The following FRMPD1 variants were observed in gnomAD, a reference collection of about 807,000 sequenced individuals.
FRMPD1 encodes FERM and PDZ domain-containing protein 1.
In FRMPD1, 76 loss-of-function variants were observed where a neutral mutation model predicts 117.8. That is an observed-to-expected ratio of 0.65 (90% confidence interval 0.54 to 0.78). FRMPD1 has a LOEUF of 0.78. FRMPD1 is among the 30% of genes least tolerant of loss of function. The probability of loss-of-function intolerance (pLI) is 0.00; values close to 1 mark genes in which losing one functional copy is unlikely to be tolerated. For missense variants in FRMPD1, 1,786 were observed against 1,964.5 expected (o/e 0.91, Z 1.72); for synonymous variants, 783 against 770.4 (o/e 1.02, Z -0.27).
At chr9:37,641,859 T>G in the FRMPD1 span, among the ~76,000 whole-genome samples, 8 of 152,214 alleles carry the variant, frequency 5.3e-5, no homozygotes, top group Admixed American at 5.2e-4. Context: ...CTTATGCCTG[T>G]ACTCTACAAG....
At chr9:37,696,600 A>C (rs1232666814) in intron 2 of FRMPD1, among the ~76,000 whole-genome samples, 2 of 152,240 alleles carry the variant, frequency 1.3e-5, no homozygotes, top group African/African-American at 4.8e-5. Flanking sequence ...AAAATTAAAC[A>C]AGAAGTGTTA....
the FRMPD1 span, among the ~76,000 whole-genome samples, chr9:37,634,776 T>TA: frequency 8.4e-3 from 1,273 of 151,344 alleles, 16 homozygotes; most frequent in African/African-American, 0.029. Flanking sequence ...TTTTTTTTTT[T>TA]AAAAAGGGAT....
chr9:37,717,355 G>GTGTGTGTA (rs1214686734), intron 5 of FRMPD1, among the ~76,000 whole-genome samples: 1 of 90,516 alleles, frequency 1.1e-5, no homozygotes, highest in Non-Finnish European at 2.5e-5. Context: ...GTGTGTGTGT[G>GTGTGTGTA]TGTGTGTGTG....
chr9:37,684,829 C>T (rs938552083), intron 1 of FRMPD1, among the ~76,000 whole-genome samples: 1 of 152,190 alleles, frequency 6.6e-6, no homozygotes, highest in Non-Finnish European at 1.5e-5. Context: ...TCATGGCTCA[C>T]TGCAGCCTCA....
intron 2 of FRMPD1, among the ~76,000 whole-genome samples, chr9:37,693,939 C>T (rs1024605639): frequency 2.6e-5 from 4 of 152,124 alleles, no homozygotes; most frequent in African/African-American, 7.2e-5. Context: ...CATAGGACCC[C>T]GTAGTATTTT....
the FRMPD1 span, among the ~76,000 whole-genome samples, chr9:37,629,864 C>T: frequency 2.6e-5 from 4 of 152,224 alleles, no homozygotes; most frequent in Non-Finnish European, 5.9e-5. Flanking sequence ...TATAACAAAA[C>T]GCTGTAGACT....
intron 1 of FRMPD1, among the ~76,000 whole-genome samples, chr9:37,659,808 C>A (rs1340533743): frequency 2.0e-5 from 3 of 151,502 alleles, no homozygotes. Flanking sequence ...AGTGTGATCT[C>A]CAGTCTGCTG....
chr9:37,650,985 T>C lies in FRMPD1; in HGVS notation c.-114T>C, dbSNP rs899729426. On this transcript the variant is annotated 5_prime_UTR_variant, in exon 1 of 16. Transcript: ENST00000377765. ...AGCCCGAGCCGAGCCCGAGCAGCGC[T>C]GCTTCCCGAGCCTTGGCCGCGACCG... 1 of 151,634 alleles carries C rather than the reference T, an allele frequency of 6.6e-6. No individual in the cohort carries two copies. The highest frequency in any genetic ancestry group is 6.6e-5 in the Admixed American group (1 of 15,246). 9.4% of individuals were successfully genotyped at this position (151,634 alleles called of 1,614,324 possible).
intron 5 of FRMPD1, among the ~76,000 whole-genome samples, chr9:37,714,612 T>G (rs1273970575): frequency 2.2e-5 from 2 of 92,378 alleles, no homozygotes; most frequent in African/African-American, 1.0e-4. Flanking sequence ...TTTATTTTAT[T>G]TTATTTTATT....
chr9:37,607,075 G>A, the FRMPD1 span, among the ~76,000 whole-genome samples: 1 of 152,170 alleles, frequency 6.6e-6, no homozygotes, highest in Admixed American at 6.5e-5. Context: ...AGCACTTTGG[G>A]AGGCCGGGGC....
the FRMPD1 span, among the ~76,000 whole-genome samples, chr9:37,637,609 T>C: frequency 6.6e-6 from 1 of 152,174 alleles, no homozygotes; most frequent in African/African-American, 2.4e-5. Context: ...GTTAAATAAA[T>C]GGAATCATAG....
At chr9:37,714,669 T>C (rs1020872388) in intron 5 of FRMPD1, among the ~76,000 whole-genome samples, 5 of 151,780 alleles carry the variant, frequency 3.3e-5, no homozygotes, top group Admixed American at 3.3e-4. Flanking sequence ...ATTTTTGAGA[T>C]GAAGTCTTGC....
intron 6 of FRMPD1, among the ~76,000 whole-genome samples, chr9:37,721,223 C>T (rs1358427999): frequency 6.6e-6 from 1 of 152,218 alleles, no homozygotes; most frequent in African/African-American, 2.4e-5. Context: ...TGGGAGTCTG[C>T]ATCAGCCACA....
chr9:37,634,848 C>T, the FRMPD1 span, among the ~76,000 whole-genome samples: 1 of 151,572 alleles, frequency 6.6e-6, no homozygotes, highest in Non-Finnish European at 1.5e-5. Flanking sequence ...GTTTGCTGCA[C>T]CTATTGACCC....
chr9:37,697,986 G>A (rs1822387056), intron 2 of FRMPD1, among the ~76,000 whole-genome samples: 1 of 152,114 alleles, frequency 6.6e-6, no homozygotes, highest in South Asian at 2.1e-4. Flanking sequence ...ATTGTGGCGC[G>A]TGCCTCTAGT....
At chr9:37,724,947 G>A (rs1335911271) in intron 7 of FRMPD1, among the ~76,000 whole-genome samples, 1 of 152,206 alleles carries the variant, frequency 6.6e-6, no homozygotes, top group Non-Finnish European at 1.5e-5. Flanking sequence ...CTTCAGACAA[G>A]GCATGGGAAA....
At chr9:37,650,356 A>G (rs568282096), upstream of FRMPD1, among the ~76,000 whole-genome samples, 25 of 152,294 alleles carry the variant, frequency 1.6e-4, no homozygotes, top group Non-Finnish European at 2.5e-4. Flanking sequence ...GGAACCCTCA[A>G]GGAGACCGAG....
At chr9:37,641,900 T>C in the FRMPD1 span, among the ~76,000 whole-genome samples, 1 of 152,216 alleles carries the variant, frequency 6.6e-6, no homozygotes, top group African/African-American at 2.4e-5. Context: ...TTGAGTTGAA[T>C]ATAGAATCCT....
In FRMPD1 at chr9:37,683,943, A is replaced by G. The variant is rs113672019; in HGVS notation, c.-4-8695A>G. On this transcript the variant is annotated intron_variant, in intron 1 of 15. Transcript: ENST00000377765. ...TGCAGAGTGTTGTGTGAGGGAGATG[A>G]AGTTGGTGGGTAGGCAGGGCCAGAT... Among the ~76,000 whole-genome samples, 13 of 147,452 alleles carry G rather than the reference A, an allele frequency of 8.8e-5. No homozygotes were observed. In the East Asian group the frequency reaches 1.2e-3, roughly 14 times the overall value.
Sources: allele counts gnomAD v4.1 joint callset (sites outside exome capture counted in the v4.1 genomes callset), GRCh38; gene constraint gnomAD v4.1.1; transcripts MANE v1.5; gene names NCBI Gene and HGNC (gene_info 2026-07-23, HGNC 2026-07-21).